MPHOSPH9: variants seen among roughly 807,000 people sequenced by gnomAD.
MPHOSPH9 encodes M-phase phosphoprotein 9.
MPHOSPH9 carries 88 observed loss-of-function variants against 145.5 expected under a neutral mutation model. That is an observed-to-expected ratio of 0.60 (90% CI 0.51 to 0.72). The LOEUF is 0.72. Ranked by LOEUF, MPHOSPH9 falls within the 30% of genes least tolerant of loss-of-function variation. The pLI is 0.00. For missense variants in MPHOSPH9, 1,238 were observed against 1,386.6 expected (o/e 0.89, Z 1.70); for synonymous variants, 435 against 486.2 (o/e 0.89, Z 1.39).
Position 123,218,434 on chromosome 12 carries a change from T to G in MPHOSPH9, c.938A>C (p.Asp313Ala), listed in dbSNP as rs781667105. 6.8e-6 allele frequency: 11 copies of G among 1,614,000 alleles called. No individual in the cohort carries two copies. In the Admixed American group the frequency reaches 1.3e-4, roughly 20 times the overall value. ...TCCTTGTTTAGATCTTGAACCTCCATCTTCTACATGTGCTCTCTTTGGTTG... is the reference window on the plus strand; with the variant it reads ...TCCTTGTTTAGATCTTGAACCTCCAGCTTCTACATGTGCTCTCTTTGGTTG... ...QNQPKRAHVE[D>A]GGSRSKQGNE... Residue 313 changes from aspartate (D) to alanine (A), a missense_variant, in exon 6 of 24, where the codon GAT (aspartate) becomes GCT (alanine). By Grantham distance (126) the Asp-to-Ala change is moderately radical. Transcript: ENST00000606320.
rs1380320268 is a variant in MPHOSPH9, at chr12:123,166,478, G to C, written c.2591+177C>G. ...AGCACAGGTGGGGAAGCTTGGCAGAGCTCATGGAAGTAAAATATTCTAAAA... is the reference window on the plus strand; with the variant it reads ...AGCACAGGTGGGGAAGCTTGGCAGACCTCATGGAAGTAAAATATTCTAAAA... On this transcript the variant is annotated intron_variant, in intron 17 of 23. Coordinates refer to ENST00000606320, the MANE Select transcript of MPHOSPH9 (RefSeq NM_022782.4). The C allele has an allele frequency of 1.6e-5, 12 of 736,986 alleles. No individual in the cohort carries two copies. The Admixed American group carries it at 2.9e-4, about 18-fold the overall frequency. The allele number at this position is 736,986 out of a possible 1,614,324, so 45.7% of individuals were successfully genotyped here.
rs2044183339 is a variant in MPHOSPH9, at chr12:123,163,271, T to C, written c.2909-137A>G. The C allele has an allele frequency of 3.2e-6, 3 of 938,326 alleles. No homozygotes were observed. The East Asian group carries it at 9.3e-5, about 29-fold the overall frequency. 58.1% of individuals were successfully genotyped at this position (938,326 alleles called of 1,614,324 possible). A position where few individuals can be genotyped will look rare whatever the true frequency, so the allele number is the denominator to read the frequency against. ...AAACTTTGAGAGAGAAATAAGAGTG[T>C]ACAAAAAAATAAAATCACTCATAAT... On this transcript the variant is annotated intron_variant, in intron 19 of 23. Coordinates refer to ENST00000606320, the MANE Select transcript of MPHOSPH9 (RefSeq NM_022782.4).
chr12:123,213,086 C>T (rs1017640098), intron 7 of MPHOSPH9, among the ~76,000 whole-genome samples: 1 of 151,874 alleles, frequency 6.6e-6, no homozygotes, highest in East Asian at 2.0e-4. Context: ...GTCTCGATCG[C>T]CTGACCTCGT....
At chr12:123,165,250 A>G (rs1328778131) in intron 18 of MPHOSPH9, 52 bp downstream of exon 18, 1 of 1,471,772 alleles carries the variant, frequency 6.8e-7, no homozygotes, top group African/African-American at 1.4e-5. Context: ...AAGGTAATAT[A>G]AATGGGGAAA....
intron 8 of MPHOSPH9, among the ~76,000 whole-genome samples, chr12:123,208,013 T>C (rs1028637415): frequency 6.6e-6 from 1 of 150,944 alleles, no homozygotes; most frequent in Non-Finnish European, 1.5e-5. Flanking sequence ...CTGATGTGGG[T>C]GGATCACCAG....
At chr12:123,175,746 C>T (rs1162559090) in intron 16 of MPHOSPH9, among the ~76,000 whole-genome samples, 1 of 148,328 alleles carries the variant, frequency 6.7e-6, no homozygotes, top group African/African-American at 2.5e-5. Flanking sequence ...AAAGAAAGGC[C>T]TTCCCTGGTC....
At chr12:123,186,070 C>T (rs1212665451) in intron 13 of MPHOSPH9, among the ~76,000 whole-genome samples, 3 of 151,588 alleles carry the variant, frequency 2.0e-5, no homozygotes, top group African/African-American at 7.3e-5. Flanking sequence ...ACTAAAAATA[C>T]AAAAATTAGC....
At chr12:123,220,564 T>C (rs941374611) in intron 5 of MPHOSPH9, among the ~76,000 whole-genome samples, 2 of 151,420 alleles carry the variant, frequency 1.3e-5, no homozygotes, top group African/African-American at 2.4e-5. Context: ...AGACTCCATA[T>C]CAAAAAAAAC....
At position 123,221,678 on chromosome 12, in the gene MPHOSPH9, T is replaced by C. The variant is rs753244490; in HGVS notation, c.566A>G (p.Asn189Ser). 10 of 1,614,146 alleles carry C rather than the reference T, an allele frequency of 6.2e-6. 1 individual carries two copies. In the South Asian group the frequency reaches 9.9e-5, roughly 16 times the overall value. Residue 189 changes from asparagine to serine, a missense_variant, in exon 5 of 24, where the codon AAT becomes AGT. This residue lies in a region of MPHOSPH9 where 837 missense variants were observed against 897.5 expected (regional missense o/e 0.93). Transcript: ENST00000606320. The part of the protein sequence containing the change: ...QEMSTSQPDC[N>S]VDSCSVSSGY... Reference sequence around the variant, plus strand: ...ACTGCTTACTGAGCAACTATCCACATTGCAGTCTGGTTGTGACGTGGACAT... The same window carrying C: ...ACTGCTTACTGAGCAACTATCCACACTGCAGTCTGGTTGTGACGTGGACAT...
intron 16 of MPHOSPH9, among the ~76,000 whole-genome samples, chr12:123,175,063 T>C (rs1278993419): frequency 6.6e-6 from 1 of 152,192 alleles, no homozygotes; most frequent in African/African-American, 2.4e-5. Flanking sequence ...CATCTTCTCA[T>C]GGCAGGTACA....
chr12:123,193,496 AT>A (rs1293569315), intron 13 of MPHOSPH9, among the ~76,000 whole-genome samples: 1 of 152,128 alleles, frequency 6.6e-6, no homozygotes. Context: ...GTTAAGAAAA[AT>A]TTAGAAGCCA....
intron 12 of MPHOSPH9, among the ~76,000 whole-genome samples, chr12:123,196,305 G>A (rs1183271539): frequency 1.3e-5 from 2 of 151,794 alleles, no homozygotes; most frequent in African/African-American, 4.8e-5. Context: ...AGCCAAGATC[G>A]CACCATTGCA....
At chr12:123,225,717 C>T (rs1428680535) in intron 3 of MPHOSPH9, among the ~76,000 whole-genome samples, 2 of 152,036 alleles carry the variant, frequency 1.3e-5, no homozygotes, top group African/African-American at 4.8e-5. Context: ...CTCCTTTGTC[C>T]TAAAGCATGT....
chr12:123,210,272 G>T, intron 7 of MPHOSPH9, 110 bp from the exon 8 acceptor site: 1 of 569,630 alleles, frequency 1.8e-6, no homozygotes, highest in Non-Finnish European at 2.8e-6. Context: ...AATTAATTTT[G>T]GGTTAAAGTA....
At chr12:123,242,693 T>C (rs1241063963) in intron 1 of MPHOSPH9, among the ~76,000 whole-genome samples, 1 of 152,220 alleles carries the variant, frequency 6.6e-6, no homozygotes, top group African/African-American at 2.4e-5. Context: ...GTCTGGCAGC[T>C]CTGAACTAGG....
chr12:123,203,080 A>G lies in MPHOSPH9; in HGVS notation c.1325T>C (p.Leu442Pro). The change falls in exon 10 of 24, where the codon CTG becomes CCG. Residue 442 changes from leucine to proline, a missense_variant. Coordinates refer to ENST00000606320, the MANE Select transcript of MPHOSPH9 (RefSeq NM_022782.4). ...CATGTGTAACGTAGGATCTAGAGTCAGGACCTGGAAACCAGACAACAACGA... is the reference window on the plus strand; with the variant it reads ...CATGTGTAACGTAGGATCTAGAGTCGGGACCTGGAAACCAGACAACAACGA... The part of the protein sequence containing the change: ...ASNPNHPPEV[L>P]TLDPTLHMKP... 2 of 1,609,494 alleles carry G rather than the reference A, an allele frequency of 1.2e-6. No individual in the cohort carries two copies. Among genetic ancestry groups the G allele is most frequent in the South Asian group, 2.2e-5 (2 of 90,078 alleles).
At chr12:123,198,923 A>G (rs2046096292) in intron 11 of MPHOSPH9, among the ~76,000 whole-genome samples, 2 of 151,542 alleles carry the variant, frequency 1.3e-5, no homozygotes. Context: ...ATCTATATAT[A>G]TGCATTATGA....
In MPHOSPH9 at chr12:123,165,317, C is replaced by G; in HGVS notation, c.2752G>C (p.Glu918Gln). The G allele has an allele frequency of 5.6e-6, 9 of 1,613,530 alleles. No individual in the cohort carries two copies. The highest frequency in any genetic ancestry group is 7.6e-6 in the Non-Finnish European group (9 of 1,179,750). The change falls in exon 18 of 24, where the codon GAG becomes CAG. Residue 918 changes from glutamate (E) to glutamine (Q), a missense_variant. Around this residue, in one of 3 missense-constraint regions of MPHOSPH9, gnomAD observed 393 missense variants for 462.5 expected, o/e 0.85. Transcript: ENST00000606320. Reference sequence around the variant, plus strand: ...AAATACTCACTATTTGAGGTGTCCTCTTTCTCTGTCTGTGTCCCCCAATTT... The same window carrying G: ...AAATACTCACTATTTGAGGTGTCCTGTTTCTCTGTCTGTGTCCCCCAATTT... ...FKNWGTQTEKEDTSNINPRQT... is the reference protein window; with the variant it reads ...FKNWGTQTEKQDTSNINPRQT...
intron 23 of MPHOSPH9, 44 bp downstream of exon 23, chr12:123,160,737 C>T (rs764323447): frequency 1.9e-6 from 3 of 1,560,456 alleles, no homozygotes; most frequent in African/African-American, 1.4e-5. Context: ...GGAACACTGA[C>T]TGGCATCAAG....
Sources: gnomAD v4.1 joint callset for allele counts (sites outside exome capture counted in the v4.1 genomes callset) on GRCh38, gnomAD v4.1.1 for gene constraint, gnomAD v4.1.1 regional missense constraint, MANE v1.5 for transcripts, NCBI Gene and HGNC (gene_info 2026-07-23, HGNC 2026-07-21) for gene names.